Variants in DPP6 observed in about 807,000 individuals in gnomAD.
The protein encoded by DPP6 is dipeptidyl peptidase like 6.
A neutral mutation model predicts 122.6 loss-of-function variants in DPP6; 69 were observed. The ratio of observed to expected loss-of-function variants is 0.56; its 90% confidence interval spans 0.46 to 0.69. The LOEUF (loss-of-function observed/expected upper bound fraction) is 0.69, where lower values mean the gene tolerates loss of function less well. Among genes scored for constraint, DPP6 ranks in the 30% least tolerant of loss-of-function variants. The probability of loss-of-function intolerance (pLI) is 0.00; values close to 1 mark genes in which losing one functional copy is unlikely to be tolerated. For missense variants in DPP6, 928 were observed against 1,116.9 expected (o/e 0.83, Z 2.41); for synonymous variants, 418 against 433.1 (o/e 0.97, Z 0.43).
At chr7:153,884,099 G>T (rs149840076), upstream of DPP6, among the ~76,000 whole-genome samples, 590 of 152,224 alleles carry the variant, frequency 3.9e-3, 2 homozygotes, top group Middle Eastern at 0.01. Context: ...CCATGTTGGT[G>T]TACTGCACCC....
At chr7:154,043,126 G>A (rs1440213792) in intron 1 of DPP6, among the ~76,000 whole-genome samples, 11 of 152,034 alleles carry the variant, frequency 7.2e-5, no homozygotes, top group East Asian at 1.9e-4. Context: ...GGTGGCTCAC[G>A]TCTGTAATCC....
rs1411934118 is a variant in DPP6, at chr7:154,113,330, AT to A, written c.243+60269del. Among the ~76,000 whole-genome samples, 3 of 151,708 alleles carry A rather than the reference AT, an allele frequency of 2.0e-5. No homozygotes were observed. In the East Asian group the frequency reaches 5.8e-4, roughly 29 times the overall value. On this transcript the variant is annotated intron_variant, in intron 1 of 25. Coordinates refer to ENST00000377770, the MANE Select transcript of DPP6 (RefSeq NM_130797.4). ...TTCCAAAGTGGCTATACCATTTTGCATTCCCCCCAACAATGTACAAGGATTC... is the reference window on the plus strand; with the variant it reads ...TTCCAAAGTGGCTATACCATTTTGCATCCCCCCAACAATGTACAAGGATTC...
chr7:154,821,647 C>CAT lies in DPP6; in HGVS notation c.1666+14536_1666+14537insTA. On this transcript the variant is annotated intron_variant, in intron 16 of 25. Transcript: ENST00000377770. This position sits in a 1 kb window ranked among gnomAD's most constrained non-coding sequence, Gnocchi z 4.2. ...TTTTCTGTATATATATATATATATACACATATATATATATATACACATATA... is the reference window on the plus strand; with the variant it reads ...TTTTCTGTATATATATATATATATACATACATATATATATATATACACATATA... Among the ~76,000 whole-genome samples, 1 of 24,102 alleles carries CAT rather than the reference C, an allele frequency of 4.1e-5. No homozygotes were observed. Among genetic ancestry groups the CAT allele is most frequent in the African/African-American group, 1.4e-4 (1 of 7,378 alleles). The allele number at this position is 24,102 out of a possible 152,430, so 15.8% of individuals were successfully genotyped here.
chr7:153,963,797 T>C (rs1795484007), intron 1 of DPP6, among the ~76,000 whole-genome samples: 1 of 152,164 alleles, frequency 6.6e-6, no homozygotes, highest in Non-Finnish European at 1.5e-5. Flanking sequence ...GTCCCATCCA[T>C]GGACAAACTG....
At chr7:153,805,894 C>A in the DPP6 span, among the ~76,000 whole-genome samples, 1 of 151,786 alleles carries the variant, frequency 6.6e-6, no homozygotes, top group Non-Finnish European at 1.5e-5. Flanking sequence ...GGAGATATAC[C>A]TAATGTAAAT....
At chr7:154,114,527 C>T (rs1196378653) in intron 1 of DPP6, among the ~76,000 whole-genome samples, 1 of 152,106 alleles carries the variant, frequency 6.6e-6, no homozygotes, top group East Asian at 1.9e-4. Flanking sequence ...AGTTATTTCC[C>T]AGTGAACTTA....
At chr7:153,812,387 A>G in the DPP6 span, among the ~76,000 whole-genome samples, 1 of 152,120 alleles carries the variant, frequency 6.6e-6, no homozygotes, top group South Asian at 2.1e-4. Context: ...CCAATTCCTC[A>G]CCCAGGCAAT....
chr7:154,061,731 C>G (rs576709106), intron 1 of DPP6, among the ~76,000 whole-genome samples: 1,122 of 80,054 alleles, frequency 0.014, 1 homozygote, highest in African/African-American at 0.036. Flanking sequence ...GCGGGGACTG[C>G]GAACCTCCCC....
chr7:154,399,903 C>T (rs1328532989), intron 1 of DPP6, among the ~76,000 whole-genome samples: 10 of 152,116 alleles, frequency 6.6e-5, no homozygotes, highest in Admixed American at 6.5e-4. Flanking sequence ...ATACAATTTA[C>T]TGAAATATGT....
chr7:154,230,361 T>A (rs550996455), intron 1 of DPP6, among the ~76,000 whole-genome samples: 1 of 152,372 alleles, frequency 6.6e-6, no homozygotes, highest in Middle Eastern at 3.4e-3. Flanking sequence ...CTTGATTAGA[T>A]GCAGAGAACT....
chr7:154,717,510 C>T (rs1461593880), intron 7 of DPP6, among the ~76,000 whole-genome samples: 1 of 152,164 alleles, frequency 6.6e-6, no homozygotes, highest in Non-Finnish European at 1.5e-5. Flanking sequence ...CTTTTTGTAC[C>T]TGGCTTATTT....
At chr7:154,832,279 G>T (rs1175933171) in intron 16 of DPP6, among the ~76,000 whole-genome samples, 1 of 152,146 alleles carries the variant, frequency 6.6e-6, no homozygotes, top group African/African-American at 2.4e-5. Context: ...GACAATGCTG[G>T]GACAGAGACA....
intron 4 of DPP6, among the ~76,000 whole-genome samples, chr7:154,544,684 G>A (rs187253068): frequency 5.6e-4 from 85 of 152,294 alleles, no homozygotes; most frequent in Non-Finnish European, 9.6e-4. Context: ...GACCCCAGCC[G>A]GTTGTGCAAG....
intron 3 of DPP6, among the ~76,000 whole-genome samples, chr7:154,476,368 G>A (rs73163046): frequency 0.038 from 5,835 of 152,260 alleles, 212 homozygotes; most frequent in African/African-American, 0.083. Flanking sequence ...CTTTGTTTTC[G>A]GCTGACCTGC....
chr7:154,844,612 G>A (rs949109403), intron 16 of DPP6, among the ~76,000 whole-genome samples: 1 of 152,170 alleles, frequency 6.6e-6, no homozygotes, highest in Non-Finnish European at 1.5e-5. Flanking sequence ...GGCCTGTGGT[G>A]GTCCTACAGT....
chr7:154,795,898 T>G lies in DPP6; in HGVS notation c.1299+15T>G. Reference sequence around the variant, plus strand: ...TCCACAGACAGGTAACTACTGCATGTCCGGGTCCCCACTGTCACCTCCACC... The same window carrying G: ...TCCACAGACAGGTAACTACTGCATGGCCGGGTCCCCACTGTCACCTCCACC... On this transcript the variant is annotated intron_variant, in intron 12 of 25. Transcript: ENST00000377770. 6.2e-7 allele frequency: 1 copy of G among 1,607,384 alleles called. No individual in the cohort carries two copies. Among genetic ancestry groups the G allele is most frequent in the South Asian group, 1.1e-5 (1 of 89,454 alleles).
At chr7:154,516,039 C>A (rs1318374530) in intron 3 of DPP6, among the ~76,000 whole-genome samples, 1 of 152,168 alleles carries the variant, frequency 6.6e-6, no homozygotes, top group Non-Finnish European at 1.5e-5. Context: ...TTTCTGATTT[C>A]TTTTCTCTCT....
At chr7:154,766,455 C>G (rs558739402) in intron 8 of DPP6, among the ~76,000 whole-genome samples, 39 of 152,258 alleles carry the variant, frequency 2.6e-4, no homozygotes, top group Non-Finnish European at 5.1e-4. Context: ...GCTGGGATTA[C>G]AGGTGTGCGC....
chr7:153,919,984 G>A (rs550097062), intron 1 of DPP6, among the ~76,000 whole-genome samples: 1 of 152,334 alleles, frequency 6.6e-6, no homozygotes, highest in East Asian at 1.9e-4. Flanking sequence ...AATAGTACCT[G>A]GAGGTAGCAT....
Sources: allele counts gnomAD v4.1 joint callset (sites outside exome capture counted in the v4.1 genomes callset), GRCh38; gene constraint gnomAD v4.1.1; non-coding constraint Gnocchi (gnomAD v3.1); transcripts MANE v1.5; gene names NCBI Gene and HGNC (gene_info 2026-07-23, HGNC 2026-07-21).